Variants in POU1F1 observed in about 807,000 individuals in gnomAD.
The protein encoded by POU1F1 is pituitary-specific positive transcription factor 1.
POU1F1 carries 23 observed loss-of-function variants against 32.3 expected under a neutral mutation model. That is an observed-to-expected ratio of 0.71 (90% CI 0.51 to 1.01). The LOEUF is 1.01. Among genes scored for constraint, POU1F1 ranks in the 50% least tolerant of loss-of-function variants. The pLI, the probability that POU1F1 is intolerant of heterozygous loss-of-function variation, is 0.00. For synonymous variants in POU1F1, 120 were observed against 115.6 expected (o/e 1.04, Z -0.25); for missense variants, 323 against 341.6 (o/e 0.95, Z 0.43).
chr3:87,276,170 T>C, intron 1 of POU1F1, 151 bp downstream of exon 1: 1 of 952,708 alleles, frequency 1.0e-6, no homozygotes, highest in Non-Finnish European at 1.6e-6. Context: ...GTTGGCTTTT[T>C]AGATATGCTT....
intron 2 of POU1F1, among the ~76,000 whole-genome samples, chr3:87,266,504 T>G (rs1251465753): frequency 6.6e-6 from 1 of 151,274 alleles, no homozygotes; most frequent in Non-Finnish European, 1.5e-5. Context: ...TTATCTGCTC[T>G]AAAGCTGGGA....
intron 2 of POU1F1, among the ~76,000 whole-genome samples, chr3:87,269,544 T>A (rs1260528056): frequency 6.6e-6 from 1 of 151,724 alleles, no homozygotes; most frequent in African/African-American, 2.4e-5. Context: ...AGAAGTAAAT[T>A]AAGAAAAAAA....
intron 1 of POU1F1, among the ~76,000 whole-genome samples, chr3:87,275,381 T>C (rs1290941756): frequency 6.6e-6 from 1 of 152,036 alleles, no homozygotes; most frequent in Non-Finnish European, 1.5e-5. Flanking sequence ...TAACAAAAGA[T>C]AGAGCTTAAA....
At position 87,276,581 on chromosome 3, in the gene POU1F1, C is replaced by A; in HGVS notation, c.-119G>T. 1 of 1,201,786 alleles carries A rather than the reference C, an allele frequency of 8.3e-7. No homozygotes were observed. Among genetic ancestry groups the A allele is most frequent in the South Asian group, 1.3e-5 (1 of 76,456 alleles). The allele number at this position is 1,201,786 out of a possible 1,614,324, so 74.4% of individuals were successfully genotyped here. On this transcript the variant is annotated 5_prime_UTR_variant, in exon 1 of 6. Transcript: ENST00000350375. ...TACCTGCATATATACATCAGGAAGG[C>A]TCTGAGGCACCAGGAGGGTGCGCGC...
At chr3:87,261,192 A>G (rs1026575732) in intron 5 of POU1F1, 81 bp downstream of exon 5, 2 of 1,041,226 alleles carry the variant, frequency 1.9e-6, no homozygotes, top group Non-Finnish European at 2.9e-6. Context: ...ATGTTATGTT[A>G]CACCTGCATT....
intron 2 of POU1F1, among the ~76,000 whole-genome samples, chr3:87,267,261 A>T (rs574661797): frequency 6.6e-6 from 1 of 152,266 alleles, no homozygotes; most frequent in East Asian, 1.9e-4. Flanking sequence ...ACAAAAAATG[A>T]GTCAGGAAAG....
chr3:87,272,875 G>A (rs1706753304), intron 2 of POU1F1, among the ~76,000 whole-genome samples: 1 of 152,148 alleles, frequency 6.6e-6, no homozygotes, highest in Admixed American at 6.6e-5. Context: ...CTGTAAACCT[G>A]TGCTGTCTGA....
intron 1 of POU1F1, among the ~76,000 whole-genome samples, chr3:87,275,835 T>C (rs1706815708): frequency 6.6e-6 from 1 of 152,152 alleles, no homozygotes; most frequent in Admixed American, 6.6e-5. Flanking sequence ...TATTTTATTC[T>C]ATGAAATCCA....
chr3:87,259,890 A>C lies in POU1F1; in HGVS notation c.*4T>G. ...GAAAAAGGCTATTATACAATAGAAAAATCTTATCTGCACTCAAGATGTTCC... is the reference window on the plus strand; with the variant it reads ...GAAAAAGGCTATTATACAATAGAAACATCTTATCTGCACTCAAGATGTTCC... On this transcript the variant is annotated 3_prime_UTR_variant, in exon 6 of 6. Transcript: ENST00000350375. 2 of 1,610,926 alleles carry C rather than the reference A, an allele frequency of 1.2e-6. No individual in the cohort carries two copies. Among genetic ancestry groups the C allele is most frequent in the Non-Finnish European group, 1.7e-6 (2 of 1,177,176 alleles).
At chr3:87,275,236 A>G (rs1706804677) in intron 1 of POU1F1, among the ~76,000 whole-genome samples, 2 of 152,016 alleles carry the variant, frequency 1.3e-5, no homozygotes, top group South Asian at 4.1e-4. Context: ...CTGAAATTTA[A>G]TTTAAAAGGT....
intron 5 of POU1F1, 59 bp downstream of exon 5, chr3:87,261,214 C>A: frequency 8.2e-7 from 1 of 1,215,202 alleles, no homozygotes; most frequent in Non-Finnish European, 1.2e-6. Context: ...CACTCAAATG[C>A]TCATTCCATT....
Position 87,259,880 on chromosome 3 carries a change from A to G in POU1F1, c.*14T>C, listed in dbSNP as rs749430698. On this transcript the variant is annotated 3_prime_UTR_variant, in exon 6 of 6. Transcript: ENST00000350375. ...TGAAACGGGAGAAAAAGGCTATTAT[A>G]CAATAGAAAAATCTTATCTGCACTC... 1.9e-6 allele frequency: 3 copies of G among 1,603,062 alleles called. No individual in the cohort carries two copies. The highest frequency in any genetic ancestry group is 2.2e-5 in the South Asian group (2 of 90,810).
In POU1F1 at chr3:87,273,401, A is replaced by C; in HGVS notation, c.160T>G (p.Ser54Ala). The change falls in exon 2 of 6, where the codon TCT becomes GCT. Residue 54 changes from serine (S) to alanine (A), a missense_variant. Coordinates refer to ENST00000350375, the MANE Select transcript of POU1F1 (RefSeq NM_000306.4). Reference sequence around the variant, plus strand: ...TTTCCATAATGACAGGAAGGAACAGAATAATGAAGTCCTGTTGCTGTGTTT... The same window carrying C: ...TTTCCATAATGACAGGAAGGAACAGCATAATGAAGTCCTGTTGCTGTGTTT... Reference protein sequence around the residue: ...VMSTATGLHYSVPSCHYGNQP... With the variant: ...VMSTATGLHYAVPSCHYGNQP... 3 of 1,612,478 alleles carry C rather than the reference A, an allele frequency of 1.9e-6. No homozygotes were observed. The highest frequency in any genetic ancestry group is 8.5e-7 in the Non-Finnish European group (1 of 1,178,726).
At chr3:87,264,242 T>C in intron 3 of POU1F1, 46 bp downstream of exon 3, 1 of 1,464,762 alleles carries the variant, frequency 6.8e-7, no homozygotes, top group Non-Finnish European at 9.6e-7. Flanking sequence ...GCAATAAAGA[T>C]TTGCAAACCA....
At chr3:87,274,926 A>G (rs549630963) in intron 1 of POU1F1, among the ~76,000 whole-genome samples, 24 of 152,082 alleles carry the variant, frequency 1.6e-4, no homozygotes, top group African/African-American at 5.3e-4. Context: ...CTTATTTTAA[A>G]GTAAATAAAT....
chr3:87,268,023 G>A (rs775858530), intron 2 of POU1F1, among the ~76,000 whole-genome samples: 4 of 151,078 alleles, frequency 2.6e-5, no homozygotes, highest in Non-Finnish European at 5.9e-5. Context: ...TCCAAGGTTT[G>A]GCATCCAGAA....
chr3:87,274,176 A>G (rs1706783393), intron 1 of POU1F1, among the ~76,000 whole-genome samples: 1 of 152,164 alleles, frequency 6.6e-6, no homozygotes, highest in African/African-American at 2.4e-5. Flanking sequence ...CCATAAAGCC[A>G]TAAAGCCGTA....
intron 2 of POU1F1, among the ~76,000 whole-genome samples, chr3:87,273,009 G>T (rs980977947): frequency 6.6e-6 from 1 of 152,016 alleles, no homozygotes; most frequent in Non-Finnish European, 1.5e-5. Context: ...ATAGCCACAC[G>T]TGTCTAGTAG....
intron 1 of POU1F1, among the ~76,000 whole-genome samples, chr3:87,275,280 C>G (rs1412687529): frequency 1.3e-5 from 2 of 151,822 alleles, no homozygotes; most frequent in African/African-American, 4.8e-5. Context: ...AATGATTTTA[C>G]CAAAGTCTAA....
Sources: gnomAD v4.1 joint callset for allele counts (sites outside exome capture counted in the v4.1 genomes callset) on GRCh38, gnomAD v4.1.1 for gene constraint, MANE v1.5 for transcripts, NCBI Gene and HGNC (gene_info 2026-07-23, HGNC 2026-07-21) for gene names.